GFRA2: variants seen among roughly 807,000 people sequenced by gnomAD.
GFRA2 encodes GDNF family receptor alpha 2.
A neutral mutation model predicts 48.3 loss-of-function variants in GFRA2; 17 were observed. The ratio of observed to expected loss-of-function variants is 0.35; its 90% CI spans 0.24 to 0.53. GFRA2 has a LOEUF of 0.53. GFRA2 is among the 20% of genes least tolerant of loss of function. The probability of loss-of-function intolerance (pLI) is 0.93; values close to 1 mark genes in which losing one functional copy is unlikely to be tolerated. For missense variants in GFRA2, 660 were observed against 637.3 expected, an observed-to-expected ratio of 1.04 and a Z score of -0.38; for synonymous variants, 305 against 257.2, an observed-to-expected ratio of 1.19 and a Z score of -1.78.
chr8:21,705,070 G>A lies in GFRA2; in HGVS notation c.960C>T (p.Ser320=), dbSNP rs749727756. ...CGCTGCCACGACAGCTGCACCAGGG[G>A]GACACCACGATGCCAGTGGGGCTGG... The part of the protein sequence containing the change: ...VDSSPTGIVV[S]PWCSCRGSGN... Residue 320 remains serine, a synonymous_variant, in exon 6 of 9, where the codon TCC becomes TCT. Coordinates refer to ENST00000524240, the MANE Select transcript of GFRA2 (RefSeq NM_001495.5). The A allele has an allele frequency of 1.1e-5, 17 of 1,610,902 alleles. No homozygotes were observed. In the South Asian group the frequency reaches 1.8e-4, roughly 17 times the overall value.
intron 2 of GFRA2, among the ~76,000 whole-genome samples, chr8:21,775,466 C>T (rs1329386516): frequency 2.0e-5 from 3 of 152,204 alleles, no homozygotes; most frequent in Non-Finnish European, 2.9e-5. Flanking sequence ...TGCCTCATTT[C>T]ACAAGAGAGG....
At chr8:21,706,822 G>T (rs1417729738) in intron 4 of GFRA2, among the ~76,000 whole-genome samples, 1 of 152,162 alleles carries the variant, frequency 6.6e-6, no homozygotes, top group Non-Finnish European at 1.5e-5. Context: ...GTCTGAGCTG[G>T]GTCTGTCCCC....
upstream of GFRA2, chr8:21,788,923 C>G (rs1472681082): frequency 2.2e-6 from 1 of 457,612 alleles, no homozygotes; most frequent in Non-Finnish European, 2.9e-6. Flanking sequence ...CCCTGCTCCT[C>G]CCTCCGCCCG....
chr8:21,693,308 C>T lies in GFRA2; in HGVS notation c.1365G>A (p.Leu455=), dbSNP rs994900074. 5 of 1,613,548 alleles carry T rather than the reference C, an allele frequency of 3.1e-6. No homozygotes were observed. The African/African-American group carries it at 5.3e-5, about 17-fold the overall frequency. The change falls in exon 9 of 9, where the codon CTG becomes CTA. Residue 455 remains leucine, a synonymous_variant. Transcript: ENST00000524240. ...AGGCCAGTTTCAGCATCAGGACAGA[C>T]AGCACGGTCAAGGCAGCCGACGGTC... The part of the protein sequence containing the change: ...RARPSAALTV[L]SVLMLKLAL
At chr8:21,741,174 G>C (rs1488740698) in intron 4 of GFRA2, among the ~76,000 whole-genome samples, 1 of 152,102 alleles carries the variant, frequency 6.6e-6, no homozygotes, top group Non-Finnish European at 1.5e-5. Flanking sequence ...TCCTTGCTGT[G>C]GCCTGTGAGG....
At chr8:21,701,373 G>A (rs555945909) in intron 7 of GFRA2, among the ~76,000 whole-genome samples, 5 of 152,310 alleles carry the variant, frequency 3.3e-5, no homozygotes, top group East Asian at 1.9e-4. Flanking sequence ...CAGCCTGGGC[G>A]AGACTGCGAG....
At chr8:21,712,124 C>A (rs1339038482) in intron 4 of GFRA2, among the ~76,000 whole-genome samples, 2 of 152,250 alleles carry the variant, frequency 1.3e-5, no homozygotes, top group Non-Finnish European at 2.9e-5. Context: ...TCAATCTTTT[C>A]CCCACCTTTC....
rs1258456118 is a variant in GFRA2 at position 21,712,381 on chromosome 8, A to G, written c.795-6340T>C. ...CACATCCCAGACGGGGCGGCGGGGC[A>G]GAGGCGCTCCCCACATCTCAGACGA... On this transcript the variant is annotated intron_variant, in intron 4 of 8. Coordinates refer to ENST00000524240, the MANE Select transcript of GFRA2 (RefSeq NM_001495.5). Among the ~76,000 whole-genome samples the G allele has an allele frequency of 4.8e-5, 7 of 145,602 alleles. No individual in the cohort carries two copies. In the East Asian group the frequency reaches 1.5e-3, roughly 31 times the overall value.
At chr8:21,809,689 TGCATCATC>T in intron 1 of GFRA2, among the ~76,000 whole-genome samples, 1 of 152,340 alleles carries the variant, frequency 6.6e-6, no homozygotes. Context: ...ACCTGGCCCC[TGCATCATC>T]GCACTGTGTT....
intron 2 of GFRA2, among the ~76,000 whole-genome samples, chr8:21,781,480 C>T (rs1442289673): frequency 2.6e-5 from 4 of 152,168 alleles, no homozygotes; most frequent in Non-Finnish European, 4.4e-5. Context: ...TGTTCCATTT[C>T]GTGACTCTGA....
chr8:21,704,366 A>T (rs754413933), intron 6 of GFRA2, among the ~76,000 whole-genome samples: 7 of 152,068 alleles, frequency 4.6e-5, no homozygotes, highest in Non-Finnish European at 1.0e-4. Flanking sequence ...ATCATAAGTG[A>T]CCCCTCTCAG....
intron 4 of GFRA2, among the ~76,000 whole-genome samples, chr8:21,747,828 G>A (rs1805089296): frequency 6.8e-6 from 1 of 146,188 alleles, no homozygotes; most frequent in African/African-American, 2.5e-5. Flanking sequence ...ACATGCACAT[G>A]CACACAGGCA....
At chr8:21,775,723 T>A (rs1250085030) in intron 2 of GFRA2, among the ~76,000 whole-genome samples, 2 of 152,164 alleles carry the variant, frequency 1.3e-5, no homozygotes, top group Non-Finnish European at 2.9e-5. Context: ...CCAGCTTCCA[T>A]CTGCGTGGTC....
At chr8:21,794,644 G>T (rs1807636426) in intron 2 of GFRA2, among the ~76,000 whole-genome samples, 1 of 152,180 alleles carries the variant, frequency 6.6e-6, no homozygotes, top group East Asian at 1.9e-4. Flanking sequence ...AGCCTAGAAA[G>T]GATTCTGTCA....
chr8:21,788,047 C>T (rs1388621224), intron 1 of GFRA2, 73 bp downstream of exon 1: 49 of 618,874 alleles, frequency 7.9e-5, no homozygotes, highest in Non-Finnish European at 4.0e-5. Flanking sequence ...CAGCCCCCCA[C>T]CGGCGCTCCG....
chr8:21,713,927 TA>T (rs937359708), intron 4 of GFRA2, among the ~76,000 whole-genome samples: 1 of 151,826 alleles, frequency 6.6e-6, no homozygotes, highest in Non-Finnish European at 1.5e-5. Context: ...GGCTTACCCA[TA>T]AAAAAAAGCA....
At chr8:21,748,230 T>A (rs1158919113) in intron 4 of GFRA2, among the ~76,000 whole-genome samples, 4 of 152,174 alleles carry the variant, frequency 2.6e-5, no homozygotes, top group Non-Finnish European at 5.9e-5. Flanking sequence ...TGTGTTGCCA[T>A]GAAGGTGGCA....
chr8:21,733,297 A>T (rs1260165415), intron 4 of GFRA2, among the ~76,000 whole-genome samples: 3 of 152,068 alleles, frequency 2.0e-5, no homozygotes, highest in African/African-American at 7.2e-5. Context: ...CTCCCTGAAG[A>T]TCATCTGATG....
chr8:21,710,636 C>G (rs1802976280), intron 4 of GFRA2, among the ~76,000 whole-genome samples: 1 of 152,182 alleles, frequency 6.6e-6, no homozygotes, highest in African/African-American at 2.4e-5. Context: ...CCCCGGGTGA[C>G]CACTGACAAG....
Sources: gnomAD v4.1 joint callset for allele counts (sites outside exome capture counted in the v4.1 genomes callset) on GRCh38, gnomAD v4.1.1 for gene constraint, MANE v1.5 for transcripts, NCBI Gene and HGNC (gene_info 2026-07-23, HGNC 2026-07-21) for gene names.